SCUBE2: variants seen among roughly 807,000 people sequenced by gnomAD.
SCUBE2 encodes signal peptide, CUB and EGF-like domain-containing protein 2.
Under a neutral mutation model 125.9 loss-of-function variants are expected in SCUBE2, and 114 were observed. That is an observed-to-expected ratio of 0.91 (90% CI 0.78 to 1.06). The LOEUF is 1.06. SCUBE2 is among the 50% of genes least tolerant of loss of function. SCUBE2 has a pLI of 0.00. For synonymous variants in SCUBE2, 459 were observed against 492.9 expected (o/e 0.93, Z 0.91); for missense variants, 1,255 against 1,301.8 (o/e 0.96, Z 0.55).
chr11:9,072,409 C>T (rs1280478706), intron 4 of SCUBE2, among the ~76,000 whole-genome samples: 2 of 152,100 alleles, frequency 1.3e-5, no homozygotes, highest in Non-Finnish European at 2.9e-5. Flanking sequence ...GGGGTTTCAC[C>T]GCGTTAGCCA....
rs1859438755 is a variant in SCUBE2, at chr11:9,059,393, A to G, written c.1000T>C (p.Cys334Arg). The G allele has an allele frequency of 6.2e-7, 1 of 1,614,204 alleles. No homozygotes were observed. Among genetic ancestry groups the G allele is most frequent in the Non-Finnish European group, 8.5e-7 (1 of 1,180,038 alleles). The stretch of plus-strand genomic sequence containing the variant: ...ACGATGTTTTTGCAGAAATGATCAC[A>G]ACCTCCATTGCGGGTCTGGCACTCA... ...IDECQTRNGGCDHFCKNIVGS... is the reference protein window; with the variant it reads ...IDECQTRNGGRDHFCKNIVGS... Residue 334 changes from cysteine (C) to arginine (R), a missense_variant, in exon 9 of 23, where the codon TGT becomes CGT. Transcript: ENST00000649792.
intron 16 of SCUBE2, among the ~76,000 whole-genome samples, chr11:9,042,360 C>G (rs1857331500): frequency 6.6e-6 from 1 of 152,124 alleles, no homozygotes; most frequent in African/African-American, 2.4e-5. Context: ...TGGATTGCCG[C>G]AGTAACCTTC....
chr11:9,030,789 T>G lies in SCUBE2; in HGVS notation c.2310A>C (p.Gly770=). 1 of 1,614,088 alleles carries G rather than the reference T, an allele frequency of 6.2e-7. No individual in the cohort carries two copies. Among genetic ancestry groups the G allele is most frequent in the Non-Finnish European group, 8.5e-7 (1 of 1,179,996 alleles). The change falls in exon 18 of 23, where the codon GGA becomes GGC. Residue 770 remains glycine, a synonymous_variant. Transcript: ENST00000649792. ...TTTCACAGTCCTGAAAGGAAGTAGCTCCCTGATGTTTGGTGGCAAGGCCTC... is the reference window on the plus strand; with the variant it reads ...TTTCACAGTCCTGAAAGGAAGTAGCGCCCTGATGTTTGGTGGCAAGGCCTC... The part of the protein sequence containing the change: ...CGGGLATKHQ[G]ATSFQDCETR...
chr11:9,060,438 T>C lies in SCUBE2; in HGVS notation c.937A>G (p.Thr313Ala), dbSNP rs761122390. The change falls in exon 8 of 23, where the codon ACT (threonine) becomes GCT (alanine). Residue 313 changes from threonine (T) to alanine (A), a missense_variant. By Grantham distance (58) the Thr-to-Ala change is moderately conservative (BLOSUM62 0). Around this residue, in one of 3 missense-constraint regions of SCUBE2, gnomAD observed 378 missense variants for 463.1 expected, o/e 0.82. Transcript: ENST00000649792. ...GVHCSCPVGFTLQLDGKTCKD... is the reference protein window; with the variant it reads ...GVHCSCPVGFALQLDGKTCKD... ...CATGTCTTCCCATCCAACTGGAGAG[T>C]GAATCCAACAGGACAACTGCAGTGG... is the stretch of plus-strand genomic sequence containing the variant. 3.3e-5 allele frequency: 54 copies of C among 1,613,614 alleles called. No individual in the cohort carries two copies. The highest frequency in any genetic ancestry group is 4.4e-5 in the Non-Finnish European group (52 of 1,179,834).
At chr11:9,029,338 C>T (rs1482675696) in intron 19 of SCUBE2, among the ~76,000 whole-genome samples, 2 of 152,212 alleles carry the variant, frequency 1.3e-5, no homozygotes, top group African/African-American at 4.8e-5. Context: ...AAGGCCTTTG[C>T]TTGCCTCGAT....
intron 10 of SCUBE2, among the ~76,000 whole-genome samples, chr11:9,054,721 ATATATTTTTTTTTTTTT>A (rs1858875365): frequency 9.6e-5 from 5 of 52,008 alleles, no homozygotes; most frequent in African/African-American, 4.7e-4. Context: ...ATATATATAT[ATATATTTTTTTTTTTTT>A]TTTTTTTTTT....
At chr11:9,053,870 C>T in intron 10 of SCUBE2, 111 bp from the exon 11 acceptor site, 1 of 1,350,100 alleles carries the variant, frequency 7.4e-7, no homozygotes, top group Non-Finnish European at 1.0e-6. Flanking sequence ...AACTCACTAA[C>T]CAAAGGAAGA....
Position 9,033,715 on chromosome 11 carries a change from T to C in SCUBE2, c.2084A>G (p.Glu695Gly), listed in dbSNP as rs1472767455. The C allele has an allele frequency of 1.9e-6, 3 of 1,614,122 alleles. No homozygotes were observed. Among genetic ancestry groups the C allele is most frequent in the Non-Finnish European group, 2.5e-6 (3 of 1,180,016 alleles). The change falls in exon 17 of 23, where the codon GAA (glutamate) becomes GGA (glycine). Residue 695 changes from glutamate to glycine, a missense_variant. Glu to Gly is a moderately conservative substitution (Grantham distance 98). This residue lies in a region of SCUBE2 where 515 missense variants were observed against 515.7 expected (regional missense o/e 1.00). Coordinates refer to ENST00000649792, the MANE Select transcript of SCUBE2 (RefSeq NM_001367977.2). ...GCATGGTTCACAAGTCATTTGTCCT[T>C]CCTCATTTTGGAAGGTTCCATTTGG... ...LCPNGTFQNE[E>G]GQMTCEPCPR...
At chr11:9,033,441 T>G (rs1354096916) in intron 17 of SCUBE2, among the ~76,000 whole-genome samples, 185 bp downstream of exon 17, 1 of 152,202 alleles carries the variant, frequency 6.6e-6, no homozygotes, top group African/African-American at 2.4e-5. Flanking sequence ...CAAATGAGTA[T>G]CTGCCCAGCA....
At position 9,059,233 on chromosome 11, in the gene SCUBE2, G is replaced by A. The variant is rs139021648; in HGVS notation, c.1090+70C>T. On this transcript the variant is annotated intron_variant, in intron 9 of 22. Coordinates refer to ENST00000649792, the MANE Select transcript of SCUBE2 (RefSeq NM_001367977.2). ...AGCCTGATAAGCCAGTCTCTGCCAG[G>A]AGGGTGCTACGTTCTCTCTGCTCCA... The A allele has an allele frequency of 1.4e-4, 212 of 1,557,712 alleles. 2 individuals carry two copies. In the African/African-American group the frequency reaches 2.3e-3, roughly 17 times the overall value.
intron 2 of SCUBE2, among the ~76,000 whole-genome samples, chr11:9,083,435 C>G (rs1014914416): frequency 5.3e-5 from 8 of 152,078 alleles, no homozygotes; most frequent in African/African-American, 1.4e-4. Context: ...ACTTATAATT[C>G]TGTAAATATC....
chr11:9,041,739 G>A (rs1441628326), intron 16 of SCUBE2, among the ~76,000 whole-genome samples: 2 of 152,054 alleles, frequency 1.3e-5, no homozygotes, highest in African/African-American at 2.4e-5. Flanking sequence ...AAAGAGCTTC[G>A]TTCTACACAG....
chr11:9,038,505 G>A (rs1590029856), intron 16 of SCUBE2, among the ~76,000 whole-genome samples: 1 of 152,206 alleles, frequency 6.6e-6, no homozygotes, highest in East Asian at 1.9e-4. Context: ...AGCTGAGCGT[G>A]GTAGTGCATG....
chr11:9,051,185 T>TCTAC (rs1858337252), intron 13 of SCUBE2, among the ~76,000 whole-genome samples: 1 of 84,438 alleles, frequency 1.2e-5, no homozygotes, highest in Non-Finnish European at 2.4e-5. Flanking sequence ...CAAAAAATTA[T>TCTAC]CTATCTATCT....
At chr11:9,021,587 G>T (rs542618120) in intron 22 of SCUBE2, among the ~76,000 whole-genome samples, 9 of 152,234 alleles carry the variant, frequency 5.9e-5, no homozygotes, top group Non-Finnish European at 1.0e-4. Context: ...TCAACTATTT[G>T]GAATTAATAG....
At chr11:9,084,357 CAT>C (rs1454576344) in intron 2 of SCUBE2, among the ~76,000 whole-genome samples, 1 of 152,106 alleles carries the variant, frequency 6.6e-6, no homozygotes, top group Non-Finnish European at 1.5e-5. Flanking sequence ...TCAATTAACA[CAT>C]GTTTAAGGAA....
chr11:9,047,360 T>A lies in SCUBE2; in HGVS notation c.1998A>T (p.Gln666His), dbSNP rs779516377. Reference sequence around the variant, plus strand: ...AGAATGTCCCAGGCCACTCACCACATTGGTTTTCTGCATGACCCTGGCCCA... The same window carrying A: ...AGAATGTCCCAGGCCACTCACCACAATGGTTTTCTGCATGACCCTGGCCCA... ...CGVGQGHAEN[Q>H]CVSCRAGTYY... Residue 666 changes from glutamine (Q) to histidine (H), a missense_variant, in exon 16 of 23, where the codon CAA becomes CAT. By Grantham distance (24) the Gln-to-His change is conservative. Around this residue, in one of 3 missense-constraint regions of SCUBE2, gnomAD observed 515 missense variants for 515.7 expected, o/e 1.00. Coordinates refer to ENST00000649792, the MANE Select transcript of SCUBE2 (RefSeq NM_001367977.2). 2 of 1,613,944 alleles carry A rather than the reference T, an allele frequency of 1.2e-6. No homozygotes were observed. Among genetic ancestry groups the A allele is most frequent in the Non-Finnish European group, 8.5e-7 (1 of 1,179,996 alleles).
intron 7 of SCUBE2, among the ~76,000 whole-genome samples, chr11:9,061,296 C>T (rs1161974650): frequency 2.0e-5 from 3 of 152,076 alleles, no homozygotes; most frequent in Non-Finnish European, 4.4e-5. Context: ...GTGGCTTACC[C>T]CTGTAATCCC....
chr11:9,076,541 A>T (rs1861228468), intron 3 of SCUBE2, among the ~76,000 whole-genome samples: 1 of 151,894 alleles, frequency 6.6e-6, no homozygotes, highest in Non-Finnish European at 1.5e-5. Flanking sequence ...AGGAGAGGAT[A>T]GCATCACCCG....
Sources: allele counts gnomAD v4.1 joint callset (sites outside exome capture counted in the v4.1 genomes callset), GRCh38; gene constraint gnomAD v4.1.1; regional missense constraint gnomAD v4.1.1; transcripts MANE v1.5; gene names NCBI Gene and HGNC (gene_info 2026-07-23, HGNC 2026-07-21).